Variants in ANP32B observed in about 807,000 individuals in gnomAD.
ANP32B encodes the protein acidic leucine-rich nuclear phosphoprotein 32 family member B.
Under a neutral mutation model 32.2 loss-of-function variants are expected in ANP32B, and 6 were observed. The ratio of observed to expected loss-of-function variants is 0.19; its 90% CI spans 0.10 to 0.37. The LOEUF (loss-of-function observed/expected upper bound fraction) is 0.37. ANP32B is among the 10% of genes least tolerant of loss of function. ANP32B has a pLI of 1.00. For synonymous variants in ANP32B, 98 were observed against 105.8 expected (o/e 0.93, Z 0.45); for missense variants, 204 against 289.2 (o/e 0.71, Z 2.14).
intron 1 of ANP32B, among the ~76,000 whole-genome samples, chr9:97,985,483 C>T (rs1191973756): frequency 6.6e-6 from 1 of 152,260 alleles, no homozygotes; most frequent in Middle Eastern, 3.4e-3. Context: ...TCGCCCAGCT[C>T]GCGCCTCAAA....
intron 1 of ANP32B, 21 bp from the exon 2 acceptor site, chr9:97,994,610 T>TG (rs1314200537): frequency 6.8e-7 from 1 of 1,475,178 alleles, no homozygotes; most frequent in African/African-American, 2.5e-5. Context: ...GAGCTTATCC[T>TG]TTTTTCTTTG....
intron 2 of ANP32B, among the ~76,000 whole-genome samples, chr9:97,997,002 G>A (rs1827916578): frequency 6.6e-6 from 1 of 152,142 alleles, no homozygotes; most frequent in Non-Finnish European, 1.5e-5. Context: ...AAATAAATAT[G>A]CTAATAAATG....
intron 2 of ANP32B, among the ~76,000 whole-genome samples, chr9:97,996,545 G>T (rs970847198): frequency 2.0e-5 from 3 of 152,128 alleles, no homozygotes; most frequent in Non-Finnish European, 2.9e-5. Context: ...GTGTACTCAT[G>T]ATTGATAAGA....
chr9:98,012,921 G>A (rs1318075602), intron 6 of ANP32B, among the ~76,000 whole-genome samples: 1 of 152,162 alleles, frequency 6.6e-6, no homozygotes, highest in East Asian at 1.9e-4. Context: ...TAGTAGAGAC[G>A]GGGTTTCACC....
At chr9:98,005,493 C>T (rs536084191) in intron 4 of ANP32B, among the ~76,000 whole-genome samples, 8 of 151,910 alleles carry the variant, frequency 5.3e-5, no homozygotes, top group African/African-American at 1.7e-4. Flanking sequence ...CACTGCACTC[C>T]GTCTCAGAAG....
intron 6 of ANP32B, among the ~76,000 whole-genome samples, chr9:98,012,952 A>G (rs1828213148): frequency 6.6e-6 from 1 of 152,118 alleles, no homozygotes; most frequent in African/African-American, 2.4e-5. Context: ...GGATGGTCTC[A>G]ATCTCCTGAC....
intron 6 of ANP32B, 139 bp downstream of exon 6, chr9:98,012,611 A>G (rs890805404): frequency 1.1e-5 from 14 of 1,303,074 alleles, no homozygotes; most frequent in African/African-American, 1.5e-5. Flanking sequence ...TCTCGTTTCT[A>G]TCGTCCCATC....
At chr9:98,000,228 C>T (rs1478731860) in intron 3 of ANP32B, among the ~76,000 whole-genome samples, 1 of 152,200 alleles carries the variant, frequency 6.6e-6, no homozygotes, top group Non-Finnish European at 1.5e-5. Context: ...ATCCTTCCAT[C>T]TCGACCTCCC....
chr9:97,983,363 C>G lies in ANP32B; in HGVS notation c.-193C>G, dbSNP rs1024535767. 2 of 550,012 alleles carry G rather than the reference C, an allele frequency of 3.6e-6. No individual in the cohort carries two copies. Among genetic ancestry groups the G allele is most frequent in the Non-Finnish European group, 6.5e-6 (2 of 308,358 alleles). The allele number at this position is 550,012 out of a possible 1,614,324, so 34.1% of individuals were successfully genotyped here. ...CCCCTTTTCCCTCCATGGTTTCTCT[C>G]CGCTCCCGTGAGTAACTTGGCTCCG... On this transcript the variant is annotated 5_prime_UTR_variant, in exon 1 of 7. Coordinates refer to ENST00000339399, the MANE Select transcript of ANP32B (RefSeq NM_006401.3).
chr9:97,984,627 A>T (rs1827673193), intron 1 of ANP32B: 1 of 149,494 alleles, frequency 6.7e-6, no homozygotes, highest in African/African-American at 2.4e-5. Flanking sequence ...CCGGCCCACG[A>T]GCTTGGCCTT....
intron 1 of ANP32B, 135 bp from the exon 2 acceptor site, chr9:97,994,496 A>T: frequency 1.4e-6 from 1 of 738,198 alleles, no homozygotes; most frequent in South Asian, 2.0e-5. Flanking sequence ...TTTTATAACT[A>T]TGATCTAGGT....
At chr9:97,998,831 G>A (rs1464869443) in intron 3 of ANP32B, among the ~76,000 whole-genome samples, 153 bp downstream of exon 3, 3 of 13,740 alleles carry the variant, frequency 2.2e-4, no homozygotes, top group East Asian at 7.9e-4. Flanking sequence ...TTTTTGAGAC[G>A]GAGTCTCGCT....
rs527855114 is a variant in ANP32B, at chr9:97,992,221, C to T, written c.55-2410C>T. Among the ~76,000 whole-genome samples, 82 of 152,186 alleles carry T rather than the reference C, an allele frequency of 5.4e-4. 1 individual carries two copies. The highest frequency in any genetic ancestry group is 2.0e-3 in the African/African-American group (81 of 41,520). On this transcript the variant is annotated intron_variant, in intron 1 of 6. Transcript: ENST00000339399. ...TCTCCTGCCTCAGCCTCCCAAGTTG[C>T]TGGGATTACAGGCACACGCCACCAT...
intron 2 of ANP32B, among the ~76,000 whole-genome samples, chr9:97,997,407 T>C (rs1439527888): frequency 3.9e-5 from 6 of 152,250 alleles, no homozygotes; most frequent in Non-Finnish European, 7.3e-5. Context: ...CATCATATAG[T>C]ACATTTCATT....
chr9:97,988,390 A>G (rs551275188), intron 1 of ANP32B, among the ~76,000 whole-genome samples: 2 of 152,200 alleles, frequency 1.3e-5, no homozygotes, highest in East Asian at 3.9e-4. Flanking sequence ...CCTTAATGCC[A>G]GCAGTCGTGC....
Position 97,998,539 on chromosome 9 carries a change from T to C in ANP32B, c.205-17T>C. ...TGTGTGTATTTGTGTTTGTGTTGTG[T>C]CCATTTTCTCTTGCAGCTTGAACTC... is the stretch of plus-strand genomic sequence containing the variant. On this transcript the variant is annotated splice_polypyrimidine_tract_variant and intron_variant, in intron 2 of 6. Transcript: ENST00000339399. The C allele has an allele frequency of 6.3e-7, 1 of 1,599,878 alleles. No individual in the cohort carries two copies. The highest frequency in any genetic ancestry group is 1.1e-5 in the South Asian group (1 of 88,072).
intron 1 of ANP32B, among the ~76,000 whole-genome samples, chr9:97,984,400 C>T (rs1005715003): frequency 6.6e-6 from 1 of 151,514 alleles, no homozygotes; most frequent in Non-Finnish European, 1.5e-5. Context: ...CCACTCCTGC[C>T]TCCCAGGGGC....
chr9:97,988,313 T>G (rs1171108729), intron 1 of ANP32B, among the ~76,000 whole-genome samples: 3 of 152,206 alleles, frequency 2.0e-5, no homozygotes, highest in Admixed American at 2.0e-4. Context: ...TTTTTCCATC[T>G]GCCAGATTGC....
At chr9:97,994,851 G>A in intron 2 of ANP32B, 71 bp downstream of exon 2, 2 of 1,452,882 alleles carry the variant, frequency 1.4e-6, no homozygotes, top group Non-Finnish European at 1.9e-6. Flanking sequence ...TTACCTGTAA[G>A]GAAGCACTTA....
Sources: allele counts gnomAD v4.1 joint callset (sites outside exome capture counted in the v4.1 genomes callset), GRCh38; gene constraint gnomAD v4.1.1; transcripts MANE v1.5; gene names NCBI Gene and HGNC (gene_info 2026-07-23, HGNC 2026-07-21).